PIGA: variants seen among roughly 807,000 people sequenced by gnomAD.
PIGA encodes the protein phosphatidylinositol N-acetylglucosaminyltransferase subunit A.
PIGA carries 3 observed loss-of-function variants against 17.1 expected under a neutral mutation model. The observed-to-expected ratio is 0.18, with a 90% CI of 0.08 to 0.45. The LOEUF is 0.45. Among genes scored for constraint, PIGA ranks in the 20% least tolerant of loss-of-function variants. The pLI, the probability that PIGA is intolerant of heterozygous loss-of-function variation, is 0.99. For missense variants in PIGA, 231 were observed against 374.1 expected (o/e 0.62, Z 3.16); for synonymous variants, 126 against 135.1 (o/e 0.93, Z 0.47).
In PIGA at chrX:15,325,984, T is replaced by C. The variant is rs1255714003; in HGVS notation, c.778A>G (p.Ile260Val). 2 of 1,184,274 alleles carry C rather than the reference T, an allele frequency of 1.7e-6. No homozygotes were observed. The highest frequency in any genetic ancestry group is 1.8e-5 in the South Asian group (1 of 55,491). ...LCQKYPDLNF[I>V]IGGEGPKRII... ...CTCTTTGGTCCCTCTCCTCCAATTA[T>C]GAAATTTAAATCTGGATATTTCTGA... The change falls in exon 3 of 6, where the codon ATA (isoleucine) becomes GTA (valine). Residue 260 changes from isoleucine to valine, a missense_variant. Transcript: ENST00000333590.
chrX:15,325,171 G>A lies in PIGA; in HGVS notation c.849-19C>T, dbSNP rs780237513. On this transcript the variant is annotated intron_variant, in intron 3 of 5. Coordinates refer to ENST00000333590, the MANE Select transcript of PIGA (RefSeq NM_002641.4). ...ACGCACCCTGATTTTTTAAATGAGA[G>A]GGGAAGAAAGGAGTGAAAACTCATG... is the stretch of plus-strand genomic sequence containing the variant. 25 of 1,156,579 alleles carry A rather than the reference G, an allele frequency of 2.2e-5. No homozygotes were observed. Among genetic ancestry groups the A allele is most frequent in the Admixed American group, 2.7e-5 (1 of 36,516 alleles).
At chrX:15,321,920 G>A in intron 5 of PIGA, 148 bp from the exon 6 acceptor site, 1 of 507,921 alleles carries the variant, frequency 2.0e-6, no homozygotes, top group African/African-American at 2.3e-5. Flanking sequence ...TCATAGTAAT[G>A]ATATCCTTAA....
At position 15,321,466 on chromosome X, in the gene PIGA, C is replaced by T. The variant is rs148660178; in HGVS notation, c.*40G>A. On this transcript the variant is annotated 3_prime_UTR_variant, in exon 6 of 6. Coordinates refer to ENST00000333590, the MANE Select transcript of PIGA (RefSeq NM_002641.4). Reference sequence around the variant, plus strand: ...GTTATTTTCCATAGTCTTTATAGAACTATTACAAATGTTTAAAATCTTACA... The same window carrying T: ...GTTATTTTCCATAGTCTTTATAGAATTATTACAAATGTTTAAAATCTTACA... 6.4e-3 allele frequency: 7,200 copies of T among 1,130,223 alleles called. 178 individuals are homozygous for T. The African/African-American group carries it at 0.087, about 14-fold the overall frequency. The allele number at this position is 1,130,223 out of a possible 1,213,427, so 93.1% of individuals were successfully genotyped here.
At position 15,329,096 on chromosome X, in the gene PIGA, G is replaced by A. The variant is rs189685495; in HGVS notation, c.715+2120C>T. ...TCAATCAAGATTCTCCATTCCAAAC[G>A]TAAACTGACCAAGGCCCACATCTAG... is the stretch of plus-strand genomic sequence containing the variant. On this transcript the variant is annotated intron_variant, in intron 2 of 5. Coordinates refer to ENST00000333590, the MANE Select transcript of PIGA (RefSeq NM_002641.4). The A allele has an allele frequency of 9.8e-5, 11 of 112,008 alleles. No individual in the cohort carries two copies. The East Asian group carries it at 2.0e-3, about 20-fold the overall frequency. The allele number at this position is 112,008 out of a possible 1,213,427, so 9.2% of individuals were successfully genotyped here. A position where few individuals can be genotyped will look rare whatever the true frequency, so the allele number is the denominator to read the frequency against.
Position 15,319,649 on chromosome X carries a change from C to T in PIGA, c.*1857G>A, listed in dbSNP as rs1169485858. The T allele has an allele frequency of 2.7e-5, 3 of 111,280 alleles. No homozygotes were observed. The highest frequency in any genetic ancestry group is 5.7e-5 in the Non-Finnish European group (3 of 53,092). 9.2% of individuals were successfully genotyped at this position (111,280 alleles called of 1,213,427 possible). On this transcript the variant is annotated 3_prime_UTR_variant, in exon 6 of 6. Coordinates refer to ENST00000333590, the MANE Select transcript of PIGA (RefSeq NM_002641.4). ...ATGTGTTTCCATATACCGACCAGTG[C>T]AAACTGACAGTTACAATTAAGGTAT...
Position 15,321,760 on chromosome X carries a change from C to T in PIGA, c.1201G>A (p.Val401Ile), listed in dbSNP as rs759697480. ...ATTGGCAACACAGCTTCCACTGATACCCGGTCATATACCTGGAGGGAGAGA... is the reference window on the plus strand; with the variant it reads ...ATTGGCAACACAGCTTCCACTGATATCCGGTCATATACCTGGAGGGAGAGA... ...AERTEKVYDR[V>I]SVEAVLPMDK... Residue 401 changes from valine (V) to isoleucine (I), a missense_variant, in exon 6 of 6, where the codon GTA (valine) becomes ATA (isoleucine). Val to Ile is a conservative substitution (Grantham distance 29). Coordinates refer to ENST00000333590, the MANE Select transcript of PIGA (RefSeq NM_002641.4). The T allele has an allele frequency of 8.3e-7, 1 of 1,210,086 alleles. No individual in the cohort carries two copies. The highest frequency in any genetic ancestry group is 3.0e-5 in the East Asian group (1 of 33,846).
chrX:15,324,107 T>C (rs1272681933), intron 5 of PIGA, among the ~76,000 whole-genome samples: 2 of 112,555 alleles, frequency 1.8e-5, no homozygotes, highest in Non-Finnish European at 3.8e-5. Flanking sequence ...CTGCTTTTTA[T>C]TTGTGATTTT....
At chrX:15,334,376 G>C (rs768309975) in intron 1 of PIGA, among the ~76,000 whole-genome samples, 19 of 109,438 alleles carry the variant, frequency 1.7e-4, no homozygotes, top group Non-Finnish European at 3.0e-4. Context: ...TTTTAGTAGA[G>C]ACGGGGTTTC....
At chrX:15,325,766 A>T in intron 3 of PIGA, 148 bp downstream of exon 3, 1 of 377,702 alleles carries the variant, frequency 2.6e-6, no homozygotes. Flanking sequence ...AAAAATTTTG[A>T]AAACAGTCCT....
intron 5 of PIGA, 69 bp from the exon 6 acceptor site, chrX:15,321,841 T>C (rs1921828547): frequency 1.0e-6 from 1 of 987,650 alleles, no homozygotes; most frequent in African/African-American, 1.9e-5. Flanking sequence ...TGATAAACAA[T>C]GACCCGATCC....
intron 5 of PIGA, among the ~76,000 whole-genome samples, chrX:15,323,102 T>C (rs5935954): frequency 0.37 from 41,313 of 110,618 alleles, 5,530 homozygotes; most frequent in South Asian, 0.57. Context: ...AAAATACAGA[T>C]GCTGTACTAT....
At chrX:15,329,622 A>AT (rs769147622) in intron 2 of PIGA, among the ~76,000 whole-genome samples, 2,675 of 110,832 alleles carry the variant, frequency 0.024, 78 homozygotes, top group African/African-American at 0.078. Context: ...GTATTTATGT[A>AT]TTTTTTTTAA....
Position 15,320,392 on chromosome X carries a change from C to G in PIGA, c.*1114G>C, listed in dbSNP as rs1191464473. The G allele has an allele frequency of 8.9e-6, 1 of 112,199 alleles. No individual in the cohort carries two copies. Among genetic ancestry groups the G allele is most frequent in the Non-Finnish European group, 1.9e-5 (1 of 53,233 alleles). The allele number at this position is 112,199 out of a possible 1,213,427, so 9.2% of individuals were successfully genotyped here. A position where few individuals can be genotyped will look rare whatever the true frequency, so the allele number is the denominator to read the frequency against. The stretch of plus-strand genomic sequence containing the variant: ...AACAATGACAGTTAATAACATCCAC[C>G]CACAAAGACTGTTTCTAAAATTTTC... On this transcript the variant is annotated 3_prime_UTR_variant, in exon 6 of 6. Transcript: ENST00000333590.
chrX:15,333,498 T>TGAA (rs1479421860), intron 1 of PIGA, among the ~76,000 whole-genome samples: 1 of 111,193 alleles, frequency 9.0e-6, no homozygotes, highest in East Asian at 2.8e-4. Context: ...CTGGCCAACA[T>TGAA]GAAGAAACCT....
At chrX:15,325,805 T>C in intron 3 of PIGA, 109 bp downstream of exon 3, 1 of 547,352 alleles carries the variant, frequency 1.8e-6, no homozygotes, top group East Asian at 3.7e-5. Context: ...ATTATATGTA[T>C]ATCAATTACA....
rs1156750976 is a variant in PIGA at position 15,320,158 on chromosome X, T to C, written c.*1348A>G. On this transcript the variant is annotated 3_prime_UTR_variant, in exon 6 of 6. Coordinates refer to ENST00000333590, the MANE Select transcript of PIGA (RefSeq NM_002641.4). ...AACCAGTTAATAGGCATGTTATTTT[T>C]TAAAAAGTAATAAATTTTGTGAATG... 8.9e-6 allele frequency: 1 copy of C among 112,909 alleles called. No homozygotes were observed. Among genetic ancestry groups the C allele is most frequent in the Non-Finnish European group, 1.9e-5 (1 of 53,420 alleles). The allele number at this position is 112,909 out of a possible 1,213,427, so 9.3% of individuals were successfully genotyped here.
At chrX:15,332,744 T>A (rs1569180280) in intron 1 of PIGA, among the ~76,000 whole-genome samples, 1 of 111,710 alleles carries the variant, frequency 9.0e-6, no homozygotes, top group Non-Finnish European at 1.9e-5. Context: ...CTCTTAGATA[T>A]CCTAAGCCAA....
chrX:15,332,570 G>A (rs1391659496), intron 1 of PIGA, among the ~76,000 whole-genome samples: 1 of 112,242 alleles, frequency 8.9e-6, no homozygotes, highest in African/African-American at 3.2e-5. Context: ...ATTCATTAGC[G>A]GTCATGTCTT....
At chrX:15,328,183 C>G (rs1373157374) in intron 2 of PIGA, 1 of 112,231 alleles carries the variant, frequency 8.9e-6, no homozygotes, top group East Asian at 2.8e-4. Flanking sequence ...CGTGTGTCAT[C>G]TCTGTTACTT....
Sources: allele counts gnomAD v4.1 joint callset (sites outside exome capture counted in the v4.1 genomes callset), GRCh38; gene constraint gnomAD v4.1.1; transcripts MANE v1.5; gene names NCBI Gene and HGNC (gene_info 2026-07-23, HGNC 2026-07-21).